Variants in KCNK9 observed in about 807,000 individuals in gnomAD.
KCNK9 encodes potassium channel subfamily K member 9.
KCNK9 carries 1 observed loss-of-function variant against 10.8 expected under a neutral mutation model. The ratio of observed to expected loss-of-function variants is 0.09; its 90% CI spans 0.03 to 0.44. The LOEUF (loss-of-function observed/expected upper bound fraction) is 0.44, where lower values mean the gene tolerates loss of function less well. Ranked by LOEUF, KCNK9 falls within the 20% of genes least tolerant of loss-of-function variation. The pLI is 0.97. For synonymous variants in KCNK9, 231 were observed against 222.7 expected, an observed-to-expected ratio of 1.04 and a Z score of -0.33; for missense variants, 303 against 515.0, an observed-to-expected ratio of 0.59 and a Z score of 3.98.
intron 1 of KCNK9, among the ~76,000 whole-genome samples, chr8:139,692,422 C>T (rs1218974424): frequency 6.6e-6 from 1 of 152,212 alleles, no homozygotes. Flanking sequence ...AATTTCCTCC[C>T]TTTCACGAAA....
At chr8:139,623,595 A>T (rs979950188) in intron 1 of KCNK9, among the ~76,000 whole-genome samples, 2 of 152,096 alleles carry the variant, frequency 1.3e-5, no homozygotes, top group Non-Finnish European at 2.9e-5. Context: ...CTCAGGAACC[A>T]CACATGCCCA....
At chr8:139,623,683 G>T (rs1335355972) in intron 1 of KCNK9, among the ~76,000 whole-genome samples, 3 of 152,120 alleles carry the variant, frequency 2.0e-5, no homozygotes, top group African/African-American at 7.2e-5. Flanking sequence ...GCACTACAGG[G>T]TGGTGACCTT....
chr8:139,630,091 G>T (rs1397816374), intron 1 of KCNK9, among the ~76,000 whole-genome samples: 6 of 152,014 alleles, frequency 3.9e-5, no homozygotes, highest in African/African-American at 1.2e-4. Flanking sequence ...GCGCGAAAGG[G>T]TAAGGGGTTT....
At chr8:139,624,064 C>T (rs1225006333) in intron 1 of KCNK9, among the ~76,000 whole-genome samples, 1 of 152,232 alleles carries the variant, frequency 6.6e-6, no homozygotes. Flanking sequence ...ACAGCAGGGC[C>T]CTAAGCCAGA....
intron 1 of KCNK9, among the ~76,000 whole-genome samples, chr8:139,619,965 G>A (rs1814726990): frequency 6.6e-6 from 1 of 152,224 alleles, no homozygotes; most frequent in Non-Finnish European, 1.5e-5. Context: ...AAGACCTTAT[G>A]TGTGTAAGCA....
At position 139,702,422 on chromosome 8, in the gene KCNK9, CA is replaced by C. The variant is rs931848902; in HGVS notation, c.283+287del. Among the ~76,000 whole-genome samples the C allele has an allele frequency of 9.9e-5, 15 of 152,100 alleles. No individual in the cohort carries two copies. The highest frequency in any genetic ancestry group is 1.6e-4 in the Non-Finnish European group (11 of 67,996). Reference sequence around the variant, plus strand: ...TATTCTTAGCGCTCCACTCTCTTCGCAAAAGTGGCGCCTCCGCCCTCCCGGC... The same window carrying C: ...TATTCTTAGCGCTCCACTCTCTTCGCAAAGTGGCGCCTCCGCCCTCCCGGC... On this transcript the variant is annotated intron_variant, in intron 1 of 1. Coordinates refer to ENST00000520439, the MANE Select transcript of KCNK9 (RefSeq NM_001282534.2). The surrounding 1 kb of genome is among the most constrained non-coding windows in gnomAD (Gnocchi z 7.5).
intron 1 of KCNK9, among the ~76,000 whole-genome samples, chr8:139,623,310 C>G (rs1586637730): frequency 6.6e-6 from 1 of 152,176 alleles, no homozygotes; most frequent in South Asian, 2.1e-4. Context: ...GCATCACCCG[C>G]CCAGGGGTCA....
At chr8:139,685,616 A>C (rs1265204083) in intron 1 of KCNK9, among the ~76,000 whole-genome samples, 1 of 152,204 alleles carries the variant, frequency 6.6e-6, no homozygotes, top group Non-Finnish European at 1.5e-5. Context: ...ACGAACTCAT[A>C]GTTTTTTATG....
intron 1 of KCNK9, among the ~76,000 whole-genome samples, chr8:139,674,189 G>A (rs1816497914): frequency 6.6e-6 from 1 of 152,240 alleles, no homozygotes; most frequent in African/African-American, 2.4e-5. Context: ...ATCAGGCTTA[G>A]ATGAGGTCAT....
intron 1 of KCNK9, among the ~76,000 whole-genome samples, chr8:139,626,586 C>G (rs918846964): frequency 6.6e-6 from 1 of 152,178 alleles, no homozygotes; most frequent in Admixed American, 6.5e-5. Flanking sequence ...TCACTGCAAC[C>G]CCAGTCTCCC....
rs143682321 is a variant in KCNK9, at chr8:139,693,728, C to A, written c.283+8982G>T. Among the ~76,000 whole-genome samples, 566 of 152,240 alleles carry A rather than the reference C, an allele frequency of 3.7e-3. 3 individuals are homozygous for A. Among genetic ancestry groups the A allele is most frequent in the Middle Eastern group, 0.031 (9 of 294 alleles). On this transcript the variant is annotated intron_variant, in intron 1 of 1. Transcript: ENST00000520439. The surrounding 1 kb of genome is among the most constrained non-coding windows in gnomAD (Gnocchi z 4.1). ...GGACTCAGGGCAGAAGGTGTGGGAA[C>A]AGGGCCTGAGCGGGGCTGGAGGATG...
At chr8:139,630,400 G>GCCGCCC (rs950369767) in intron 1 of KCNK9, among the ~76,000 whole-genome samples, 9 of 152,036 alleles carry the variant, frequency 5.9e-5, no homozygotes, top group Non-Finnish European at 1.0e-4. Flanking sequence ...TGCCGCCGCC[G>GCCGCCC]CCGCCCCCAC....
chr8:139,688,374 A>G (rs538534869), intron 1 of KCNK9, among the ~76,000 whole-genome samples: 1 of 152,240 alleles, frequency 6.6e-6, no homozygotes, highest in Non-Finnish European at 1.5e-5. Flanking sequence ...CAGAAAACTT[A>G]CAATCGTGGT....
At chr8:139,668,718 G>A (rs561347247) in intron 1 of KCNK9, among the ~76,000 whole-genome samples, 10 of 152,328 alleles carry the variant, frequency 6.6e-5, no homozygotes, top group African/African-American at 1.7e-4. Context: ...CACCGCGCCC[G>A]TCGTGTAAAT....
chr8:139,652,788 C>T (rs1222905029), intron 1 of KCNK9, among the ~76,000 whole-genome samples: 2 of 152,156 alleles, frequency 1.3e-5, no homozygotes, highest in Non-Finnish European at 2.9e-5. Context: ...TGCGGGAGCA[C>T]CCCTTGGCAT....
intron 1 of KCNK9, among the ~76,000 whole-genome samples, chr8:139,701,669 C>G (rs140020085): frequency 6.6e-6 from 1 of 152,164 alleles, no homozygotes; most frequent in African/African-American, 2.4e-5. Context: ...GAGAGGCAGC[C>G]TGCCTCACTG....
chr8:139,641,073 C>T (rs773963732), intron 1 of KCNK9, among the ~76,000 whole-genome samples: 1 of 152,214 alleles, frequency 6.6e-6, no homozygotes, highest in Admixed American at 6.5e-5. Context: ...CAGCAAGAAG[C>T]GGTCTGGCAC....
At position 139,702,654 on chromosome 8, in the gene KCNK9, C is replaced by A; in HGVS notation, c.283+56G>T. On this transcript the variant is annotated intron_variant, in intron 1 of 1. Transcript: ENST00000520439. This position sits in a 1 kb window ranked among gnomAD's most constrained non-coding sequence, Gnocchi z 7.5. ...CCCAGCCCGGCGCGGCGCGCTCAGC[C>A]GCCTCCCCGGACTCCTCCCGGGGCG... The A allele has an allele frequency of 3.3e-6, 5 of 1,532,346 alleles. No individual in the cohort carries two copies. Among genetic ancestry groups the A allele is most frequent in the East Asian group, 2.4e-5 (1 of 42,104 alleles). The allele number at this position is 1,532,346 out of a possible 1,614,324, so 94.9% of individuals were successfully genotyped here.
In KCNK9 at chr8:139,677,765, G is replaced by C. The variant is rs1195897213; in HGVS notation, c.283+24945C>G. 4.2e-3 allele frequency among the ~76,000 whole-genome samples: 482 copies of C among 113,688 alleles called. 8 individuals are homozygous for C. Among genetic ancestry groups the C allele is most frequent in the African/African-American group, 0.017 (443 of 25,618 alleles). The allele number at this position is 113,688 out of a possible 152,430, so 74.6% of individuals were successfully genotyped here. On this transcript the variant is annotated intron_variant, in intron 1 of 1. Transcript: ENST00000520439. ...AGCTTCAGAGTAATACCTCACATCT[G>C]ATCCCAATGTGTCCCCATGGCTGCA...
Sources: allele counts gnomAD v4.1 joint callset (sites outside exome capture counted in the v4.1 genomes callset), GRCh38; gene constraint gnomAD v4.1.1; non-coding constraint Gnocchi (gnomAD v3.1); transcripts MANE v1.5; gene names NCBI Gene and HGNC (gene_info 2026-07-23, HGNC 2026-07-21).